PREPL: variants seen among roughly 807,000 people sequenced by gnomAD.
The protein encoded by PREPL is prolyl endopeptidase-like.
Under a neutral mutation model 70.6 loss-of-function variants are expected in PREPL, and 77 were observed. The observed-to-expected ratio is 1.09, with a 90% confidence interval of 0.91 to 1.32. PREPL has a LOEUF of 1.32. Ranked by LOEUF, PREPL falls within the 40% of genes most tolerant of loss-of-function variation. The pLI is 0.00. For missense variants in PREPL, 1,002 were observed against 778.2 expected (o/e 1.29, Z -3.42); for synonymous variants, 315 against 264.8 (o/e 1.19, Z -1.84).
chr2:44,321,769 G>A (rs2103665893), intron 13 of PREPL, 58 bp downstream of exon 13: 2 of 1,613,500 alleles, frequency 1.2e-6, no homozygotes, highest in East Asian at 4.5e-5. Context: ...CTGAAAATGT[G>A]AAAACAACAT....
rs1377018838 is a variant in PREPL at position 44,318,442 on chromosome 2, C to T, written c.*2914G>A. 5.7e-6 allele frequency: 1 copy of T among 175,818 alleles called. No individual in the cohort carries two copies. 10.9% of individuals were successfully genotyped at this position (175,818 alleles called of 1,614,324 possible). ...ACAAGAAATGATTTAAATATTTTATCAACAGAAAACCAGTTCTATCAACTA... is the reference window on the plus strand; with the variant it reads ...ACAAGAAATGATTTAAATATTTTATTAACAGAAAACCAGTTCTATCAACTA... On this transcript the variant is annotated 3_prime_UTR_variant, in exon 14 of 14. Transcript: ENST00000409411.
At chr2:44,344,013 G>T in intron 3 of PREPL, 62 bp from the exon 4 acceptor site, 1 of 1,514,982 alleles carries the variant, frequency 6.6e-7, no homozygotes, top group Non-Finnish European at 8.9e-7. Context: ...AATTAAAACT[G>T]TATTTTAATG....
Position 44,319,507 on chromosome 2 carries a change from A to C in PREPL, c.*1849T>G, listed in dbSNP as rs747189648. 1 of 152,298 alleles carries C rather than the reference A, an allele frequency of 6.6e-6. No homozygotes were observed. The highest frequency in any genetic ancestry group is 1.5e-5 in the Non-Finnish European group (1 of 68,088). The allele number at this position is 152,298 out of a possible 1,614,324, so 9.4% of individuals were successfully genotyped here. A position where few individuals can be genotyped will look rare whatever the true frequency, so the allele number is the denominator to read the frequency against. Reference sequence around the variant, plus strand: ...GTCATTAAAAACATTTATGGAGGCTATATTATATAGTCAATAACAGAAAAT... The same window carrying C: ...GTCATTAAAAACATTTATGGAGGCTCTATTATATAGTCAATAACAGAAAAT... On this transcript the variant is annotated 3_prime_UTR_variant, in exon 14 of 14. Coordinates refer to ENST00000409411, the MANE Select transcript of PREPL (RefSeq NM_001171613.2).
intron 1 of PREPL, among the ~76,000 whole-genome samples, chr2:44,354,840 G>A (rs910636360): frequency 4.6e-5 from 7 of 152,208 alleles, no homozygotes; most frequent in Non-Finnish European, 1.0e-4. Flanking sequence ...GCCTCCCAAA[G>A]TGCTAGGATT....
intron 1 of PREPL, among the ~76,000 whole-genome samples, chr2:44,354,617 C>T (rs1484005693): frequency 1.3e-5 from 2 of 152,038 alleles, no homozygotes; most frequent in Non-Finnish European, 2.9e-5. Flanking sequence ...CCCATCACAC[C>T]AGGCTGGAGT....
intron 5 of PREPL, among the ~76,000 whole-genome samples, chr2:44,341,378 T>A (rs1380550141): frequency 2.6e-5 from 4 of 152,160 alleles, no homozygotes; most frequent in Non-Finnish European, 5.9e-5. Flanking sequence ...TATTTGTCTA[T>A]CAATTTGTAT....
chr2:44,343,207 A>C (rs1675415042), intron 4 of PREPL, among the ~76,000 whole-genome samples: 1 of 152,248 alleles, frequency 6.6e-6, no homozygotes, highest in African/African-American at 2.4e-5. Flanking sequence ...AATGGAGAAA[A>C]TGATGGCTGA....
intron 8 of PREPL, among the ~76,000 whole-genome samples, chr2:44,331,453 G>T (rs1674079461): frequency 6.6e-6 from 1 of 151,792 alleles, no homozygotes; most frequent in South Asian, 2.1e-4. Context: ...TGATCTGCCC[G>T]CCTCAGCCTC....
rs150652803 is a variant in PREPL at position 44,347,471 on chromosome 2, T to C, written c.-48-1081A>G. ...AAAATAATGAACATGAGTGGAGATATAGATGAAAGCTAAATAAGCATTCAC... is the reference window on the plus strand; with the variant it reads ...AAAATAATGAACATGAGTGGAGATACAGATGAAAGCTAAATAAGCATTCAC... On this transcript the variant is annotated intron_variant, in intron 1 of 13. Transcript: ENST00000409411. 5 of 152,346 alleles carry C rather than the reference T, an allele frequency of 3.3e-5. No homozygotes were observed. In the South Asian group the frequency reaches 8.3e-4, roughly 25 times the overall value. 9.4% of individuals were successfully genotyped at this position (152,346 alleles called of 1,614,324 possible).
In PREPL at chr2:44,321,295, A is replaced by T; in HGVS notation, c.*61T>A. On this transcript the variant is annotated 3_prime_UTR_variant, in exon 14 of 14. Transcript: ENST00000409411. ...TATTAATTTTTTTTTTGCTAACTCA[A>T]TTGGAAGTAAGACTATGAAATATTT... The T allele has an allele frequency of 2.2e-6, 3 of 1,354,838 alleles. No individual in the cohort carries two copies. The highest frequency in any genetic ancestry group is 3.1e-6 in the Non-Finnish European group (3 of 972,610). The allele number at this position is 1,354,838 out of a possible 1,614,324, so 83.9% of individuals were successfully genotyped here.
chr2:44,358,469 A>G (rs1677287738), intron 1 of PREPL, among the ~76,000 whole-genome samples: 1 of 152,222 alleles, frequency 6.6e-6, no homozygotes, highest in Admixed American at 6.5e-5. Context: ...AAATATCATT[A>G]AGGAACCTAA....
At chr2:44,337,159 T>A (rs901001169) in intron 7 of PREPL, among the ~76,000 whole-genome samples, 14 of 152,212 alleles carry the variant, frequency 9.2e-5, no homozygotes, top group African/African-American at 3.1e-4. Context: ...TCCTGAACAT[T>A]TTCTGAATGT....
chr2:44,324,910 C>A (rs542830939), intron 10 of PREPL, among the ~76,000 whole-genome samples: 4 of 151,908 alleles, frequency 2.6e-5, no homozygotes, highest in Admixed American at 2.6e-4. Flanking sequence ...CAAAACAAAA[C>A]AAAAAAACAA....
At chr2:44,323,236 A>C (rs780297562) in intron 11 of PREPL, 26 bp downstream of exon 11, 1 of 1,550,172 alleles carries the variant, frequency 6.5e-7, no homozygotes, top group Non-Finnish European at 8.7e-7. Flanking sequence ...AATTCAGGAT[A>C]ATCTAACACA....
chr2:44,358,456 C>T (rs984218757), intron 1 of PREPL, among the ~76,000 whole-genome samples: 12 of 151,938 alleles, frequency 7.9e-5, no homozygotes, highest in African/African-American at 2.7e-4. Context: ...GAATACCACC[C>T]CCAAATATCA....
chr2:44,359,607 A>G, intron 1 of PREPL: 6 of 1,611,324 alleles, frequency 3.7e-6, no homozygotes, highest in Non-Finnish European at 3.4e-6. Context: ...CTATTGTAAC[A>G]ATGATCAGCG....
chr2:44,329,546 A>C (rs1352377490), intron 8 of PREPL, among the ~76,000 whole-genome samples: 1 of 152,180 alleles, frequency 6.6e-6, no homozygotes. Flanking sequence ...TGCTGACTAA[A>C]GTCTTACCAG....
At position 44,332,547 on chromosome 2, in the gene PREPL, A is replaced by G. The variant is rs1674227629; in HGVS notation, c.998T>C (p.Phe333Ser). 3.1e-6 allele frequency: 5 copies of G among 1,613,924 alleles called. No individual in the cohort carries two copies. The highest frequency in any genetic ancestry group is 1.1e-5 in the South Asian group (1 of 91,082). Reference protein sequence around the residue: ...IRPPKYYTYKFAEGKLFEETG... With the variant: ...IRPPKYYTYKSAEGKLFEETG... ...TTCCTCAAACAGTTTGCCTTCTGCA[A>G]ACTTGTATGTGTAATATTTTGGGGG... Residue 333 changes from phenylalanine (F) to serine (S), a missense_variant, in exon 8 of 14, where the codon TTT becomes TCT. By Grantham distance (155) the Phe-to-Ser change is radical (BLOSUM62 -2). Transcript: ENST00000409411.
chr2:44,343,695 G>T (rs1675470307), intron 4 of PREPL, 50 bp downstream of exon 4: 3 of 1,524,846 alleles, frequency 2.0e-6, no homozygotes. Flanking sequence ...TGTTTCAAAA[G>T]TGTTACCGTT....
Sources: gnomAD v4.1 joint callset for allele counts (sites outside exome capture counted in the v4.1 genomes callset) on GRCh38, gnomAD v4.1.1 for gene constraint, MANE v1.5 for transcripts, NCBI Gene and HGNC (gene_info 2026-07-23, HGNC 2026-07-21) for gene names.